The following PFKFB3 variants were observed in gnomAD, a reference collection of about 807,000 sequenced individuals.
PFKFB3 encodes the protein 6-phosphofructo-2-kinase/fructose-2,6-biphosphatase 3.
PFKFB3 carries 33 observed loss-of-function variants against 68.0 expected under a neutral mutation model. The ratio of observed to expected loss-of-function variants is 0.49; its 90% CI spans 0.37 to 0.65. The LOEUF (loss-of-function observed/expected upper bound fraction) is 0.65. PFKFB3 is among the 30% of genes least tolerant of loss of function. The probability of loss-of-function intolerance (pLI) is 0.00; values close to 1 mark genes in which losing one functional copy is unlikely to be tolerated. For missense variants in PFKFB3, 586 were observed against 712.2 expected (o/e 0.82, Z 2.02); for synonymous variants, 315 against 288.2 (o/e 1.09, Z -0.94).
At chr10:6,326,558 C>A in the PFKFB3 span, 2 of 455,612 alleles carry the variant, frequency 4.4e-6, no homozygotes, top group Admixed American at 4.7e-5. Flanking sequence ...ATGGAGTTAC[C>A]AGTAAGGAGC....
chr10:6,160,366 C>G (rs1458812537), intron 1 of PFKFB3, among the ~76,000 whole-genome samples: 2 of 152,198 alleles, frequency 1.3e-5, no homozygotes, highest in African/African-American at 4.8e-5. Context: ...CTCCCACCCT[C>G]TCTACCTGAG....
the PFKFB3 span, among the ~76,000 whole-genome samples, chr10:6,270,305 C>CT: frequency 4.6e-5 from 7 of 152,172 alleles, no homozygotes; most frequent in African/African-American, 1.7e-4. Context: ...ATGATGCCTT[C>CT]TTTTTCCCAT....
the PFKFB3 span, among the ~76,000 whole-genome samples, chr10:6,277,226 C>T: frequency 6.6e-6 from 1 of 151,214 alleles, no homozygotes; most frequent in Non-Finnish European, 1.5e-5. Context: ...TTTCTTTTTT[C>T]TTTTTCTTTT....
At chr10:6,178,616 G>C (rs1421471704) in intron 1 of PFKFB3, among the ~76,000 whole-genome samples, 1 of 152,194 alleles carries the variant, frequency 6.6e-6, no homozygotes, top group East Asian at 1.9e-4. Flanking sequence ...CCCTCCCTCG[G>C]TGCCTGCCCT....
At chr10:6,312,646 T>C in the PFKFB3 span, among the ~76,000 whole-genome samples, 1 of 152,208 alleles carries the variant, frequency 6.6e-6, no homozygotes, top group Non-Finnish European at 1.5e-5. Context: ...ACTGCTGGGG[T>C]GCTGGCCGAG....
the PFKFB3 span, among the ~76,000 whole-genome samples, chr10:6,276,230 T>C: frequency 6.6e-6 from 1 of 152,130 alleles, no homozygotes; most frequent in South Asian, 2.1e-4. Context: ...AGAAATAGGA[T>C]AACAAATGGG....
At chr10:6,284,987 T>G in the PFKFB3 span, among the ~76,000 whole-genome samples, 2 of 152,234 alleles carry the variant, frequency 1.3e-5, no homozygotes, top group Admixed American at 6.5e-5. Context: ...ATTCATCTGT[T>G]GATGGACATT....
intron 1 of PFKFB3, among the ~76,000 whole-genome samples, chr10:6,184,382 A>C (rs184443698): frequency 2.6e-5 from 4 of 152,246 alleles, no homozygotes; most frequent in African/African-American, 9.6e-5. Flanking sequence ...TTGCACCCCC[A>C]AAAGCCCCAT....
the PFKFB3 span, among the ~76,000 whole-genome samples, chr10:6,298,948 T>C: frequency 3.5e-4 from 53 of 152,374 alleles, no homozygotes; most frequent in Admixed American, 3.1e-3. Context: ...AGGACACGTC[T>C]GGTTCATCTC....
the PFKFB3 span, among the ~76,000 whole-genome samples, chr10:6,322,619 G>A: frequency 3.9e-5 from 6 of 152,122 alleles, no homozygotes; most frequent in Non-Finnish European, 5.9e-5. Context: ...TCCCTTGCTC[G>A]TGATGCTCCA....
At chr10:6,162,288 T>C (rs557134949) in intron 1 of PFKFB3, among the ~76,000 whole-genome samples, 24 of 152,358 alleles carry the variant, frequency 1.6e-4, no homozygotes, top group Non-Finnish European at 2.5e-4. Context: ...CATCTGTTGT[T>C]GGACACATGG....
At chr10:6,300,029 G>C in the PFKFB3 span, among the ~76,000 whole-genome samples, 700 of 117,004 alleles carry the variant, frequency 6.0e-3, 8 homozygotes, top group African/African-American at 0.022. Flanking sequence ...GCCTCACCAA[G>C]TCTGATTATG....
At chr10:6,325,819 T>A in the PFKFB3 span, among the ~76,000 whole-genome samples, 1 of 152,338 alleles carries the variant, frequency 6.6e-6, no homozygotes, top group East Asian at 1.9e-4. Context: ...TGTATTCTTA[T>A]AGTAACCCCC....
the PFKFB3 span, among the ~76,000 whole-genome samples, chr10:6,279,459 G>A: frequency 6.6e-6 from 1 of 152,146 alleles, no homozygotes; most frequent in East Asian, 1.9e-4. Context: ...TATTTTTCCT[G>A]TTCATCATAT....
chr10:6,301,703 G>A, the PFKFB3 span, among the ~76,000 whole-genome samples: 3 of 152,228 alleles, frequency 2.0e-5, no homozygotes, highest in Non-Finnish European at 4.4e-5. Flanking sequence ...AAAGGGCGGT[G>A]TGGGGATCGC....
chr10:6,254,666 C>T, downstream of PFKFB3: 1 of 240,808 alleles, frequency 4.2e-6, no homozygotes, highest in South Asian at 1.8e-4. Context: ...ATAAGATAGA[C>T]TTTGATGATT....
chr10:6,252,400 G>A (rs1330194085), intron 14 of PFKFB3, among the ~76,000 whole-genome samples: 1 of 152,162 alleles, frequency 6.6e-6, no homozygotes, highest in East Asian at 1.9e-4. Flanking sequence ...ACATGTAAGT[G>A]TTTCATTTTA....
intron 1 of PFKFB3, among the ~76,000 whole-genome samples, chr10:6,169,334 G>A (rs558918049): frequency 1.2e-4 from 18 of 152,300 alleles, no homozygotes; most frequent in Middle Eastern, 3.4e-3. Flanking sequence ...TTAGTCTTAC[G>A]CAGGGAGGAT....
At chr10:6,321,996 A>G in the PFKFB3 span, among the ~76,000 whole-genome samples, 5 of 150,490 alleles carry the variant, frequency 3.3e-5, no homozygotes, top group Admixed American at 6.6e-5. Flanking sequence ...TTTCCATGAA[A>G]CACCATCCAT....
Sources: allele counts gnomAD v4.1 joint callset (sites outside exome capture counted in the v4.1 genomes callset), GRCh38; gene constraint gnomAD v4.1.1; transcripts MANE v1.5; gene names NCBI Gene and HGNC (gene_info 2026-07-23, HGNC 2026-07-21).